The following STARD13 variants were observed in gnomAD, a reference collection of about 807,000 sequenced individuals.
STARD13 encodes the protein StAR related lipid transfer domain containing 13, also known as stAR-related lipid transfer protein 13.
A neutral mutation model predicts 106.4 loss-of-function variants in STARD13; 62 were observed. The observed-to-expected ratio is 0.58, with a 90% CI of 0.48 to 0.72. The LOEUF (loss-of-function observed/expected upper bound fraction) is 0.72. STARD13 is among the 30% of genes least tolerant of loss of function. STARD13 has a pLI of 0.00. For missense variants in STARD13, 1,387 were observed against 1,424.0 expected (o/e 0.97, Z 0.42); for synonymous variants, 565 against 553.0 (o/e 1.02, Z -0.31).
At chr13:33,125,444 C>A (rs1235555090) in intron 7 of STARD13, among the ~76,000 whole-genome samples, 1 of 151,920 alleles carries the variant, frequency 6.6e-6, no homozygotes, top group East Asian at 1.9e-4. Flanking sequence ...TGGATTTAAT[C>A]ACAGTCCACC....
At chr13:33,269,931 T>C (rs779192655) in intron 1 of STARD13, among the ~76,000 whole-genome samples, 1 of 152,160 alleles carries the variant, frequency 6.6e-6, no homozygotes, top group Non-Finnish European at 1.5e-5. Flanking sequence ...TGCCCATTTG[T>C]GAACCGAATA....
At chr13:33,246,049 G>A (rs1253320533) in intron 1 of STARD13, among the ~76,000 whole-genome samples, 1 of 152,124 alleles carries the variant, frequency 6.6e-6, no homozygotes, top group African/African-American at 2.4e-5. Context: ...GATGGGGTGG[G>A]CCTGTTATCC....
chr13:33,185,978 G>T, intron 1 of STARD13: 2 of 1,614,160 alleles, frequency 1.2e-6, no homozygotes, highest in Non-Finnish European at 1.7e-6. Context: ...ACCACAAAGG[G>T]GCCTGGTTAA....
Position 33,215,124 on chromosome 13 carries a change from G to GC in STARD13, c.170-47503_170-47502insG, listed in dbSNP as rs953212024. ...TCAGGAATAGAATGAGTACTTGGGG[G>GC]GGGGGGTGGGGGGAAATAAGCACCT... On this transcript the variant is annotated intron_variant, in intron 1 of 13. Coordinates refer to ENST00000336934, the MANE Select transcript of STARD13 (RefSeq NM_178006.4). Among the ~76,000 whole-genome samples, 15 of 128,386 alleles carry GC rather than the reference G, an allele frequency of 1.2e-4. 1 individual carries two copies. The East Asian group carries it at 1.6e-3, about 14-fold the overall frequency. 84.2% of individuals were successfully genotyped at this position (128,386 alleles called of 152,430 possible). A position where few individuals can be genotyped will look rare whatever the true frequency, so the allele number is the denominator to read the frequency against.
At chr13:33,568,432 A>C in the STARD13 span, among the ~76,000 whole-genome samples, 11 of 148,164 alleles carry the variant, frequency 7.4e-5, no homozygotes. Flanking sequence ...TTGTTAACAA[A>C]ATGCTGGAAG....
chr13:33,301,827 C>T (rs1166264215), intron 1 of STARD13, among the ~76,000 whole-genome samples: 1 of 152,158 alleles, frequency 6.6e-6, no homozygotes, highest in Non-Finnish European at 1.5e-5. Context: ...CTCAGCCTCC[C>T]AATGTGCTGG....
Position 33,111,808 on chromosome 13 carries a change from G to A in STARD13, c.2577C>T (p.His859=), listed in dbSNP as rs754192264. Residue 859 remains histidine, a synonymous_variant, in exon 10 of 14, where the codon CAC becomes CAT. Coordinates refer to ENST00000336934, the MANE Select transcript of STARD13 (RefSeq NM_178006.4). ...ENLAAAQGLA[H]MIMECDRLFE... ...AAAGTCTGTCGCATTCCATGATCATGTGCGCTAGCCCCTGAGCTGCTGCCA... is the reference window on the plus strand; with the variant it reads ...AAAGTCTGTCGCATTCCATGATCATATGCGCTAGCCCCTGAGCTGCTGCCA... 7 of 1,614,082 alleles carry A rather than the reference G, an allele frequency of 4.3e-6. No homozygotes were observed. Among genetic ancestry groups the A allele is most frequent in the South Asian group, 1.1e-5 (1 of 91,082 alleles).
intron 4 of STARD13, among the ~76,000 whole-genome samples, chr13:33,140,374 A>T (rs529015220): frequency 2.2e-4 from 34 of 152,378 alleles, no homozygotes; most frequent in Middle Eastern, 3.4e-3. Flanking sequence ...ATGTGTTCCA[A>T]TCAAAACAAC....
At chr13:33,649,104 T>C in the STARD13 span, among the ~76,000 whole-genome samples, 1 of 152,208 alleles carries the variant, frequency 6.6e-6, no homozygotes, top group Admixed American at 6.5e-5. Flanking sequence ...GTGATGCTCT[T>C]AAAATGAGAC....
the STARD13 span, among the ~76,000 whole-genome samples, chr13:33,571,055 T>G: frequency 1.3e-5 from 2 of 152,104 alleles, no homozygotes; most frequent in African/African-American, 4.8e-5. Context: ...TGGTAAAGAC[T>G]CTAGTCCTAT....
intron 3 of STARD13, among the ~76,000 whole-genome samples, chr13:33,143,263 T>C (rs1880080010): frequency 6.6e-6 from 1 of 152,252 alleles, no homozygotes; most frequent in African/African-American, 2.4e-5. Flanking sequence ...CCAGCATTTC[T>C]TTCATTTCGT....
the STARD13 span, among the ~76,000 whole-genome samples, chr13:33,451,923 G>A: frequency 6.6e-6 from 1 of 152,228 alleles, no homozygotes; most frequent in Non-Finnish European, 1.5e-5. Context: ...ATTATGAAGT[G>A]ACCTTGGCAA....
chr13:33,163,395 G>A (rs999613589), intron 3 of STARD13, among the ~76,000 whole-genome samples: 2 of 151,568 alleles, frequency 1.3e-5, no homozygotes, highest in African/African-American at 2.4e-5. Context: ...TTTCAGACCA[G>A]CCTGGCCAAC....
intron 1 of STARD13, among the ~76,000 whole-genome samples, chr13:33,304,493 C>A (rs1398702441): frequency 6.6e-6 from 1 of 152,000 alleles, no homozygotes; most frequent in Non-Finnish European, 1.5e-5. Flanking sequence ...AATAAAAACC[C>A]CTTAAAATAC....
At chr13:33,465,541 C>T in the STARD13 span, among the ~76,000 whole-genome samples, 1 of 152,098 alleles carries the variant, frequency 6.6e-6, no homozygotes, top group Admixed American at 6.5e-5. Context: ...CATTCATCTT[C>T]AAAATACATC....
At chr13:33,520,141 C>T in the STARD13 span, 2 of 152,098 alleles carry the variant, frequency 1.3e-5, no homozygotes, top group Non-Finnish European at 2.9e-5. Context: ...AACATGTGAT[C>T]AGTAAAGGCT....
the STARD13 span, among the ~76,000 whole-genome samples, chr13:33,537,217 C>T: frequency 6.6e-6 from 1 of 152,188 alleles, no homozygotes; most frequent in Admixed American, 6.5e-5. Flanking sequence ...CGTCCTAGTG[C>T]AGCATTCAGC....
At chr13:33,331,488 G>T (rs1197730206) in intron 1 of STARD13, among the ~76,000 whole-genome samples, 2 of 151,664 alleles carry the variant, frequency 1.3e-5, no homozygotes, top group African/African-American at 4.8e-5. Flanking sequence ...AAGTAGCTGG[G>T]ATTACAGGCA....
the STARD13 span, chr13:33,610,850 AC>A: frequency 6.6e-6 from 1 of 152,482 alleles, no homozygotes; most frequent in Non-Finnish European, 1.5e-5. Flanking sequence ...TCGCCTGCTC[AC>A]GTCCCCTAAT....
Sources: gnomAD v4.1 joint callset for allele counts (sites outside exome capture counted in the v4.1 genomes callset) on GRCh38, gnomAD v4.1.1 for gene constraint, MANE v1.5 for transcripts, NCBI Gene and HGNC (gene_info 2026-07-23, HGNC 2026-07-21) for gene names.